Variants in LRRC7 observed in about 807,000 individuals in gnomAD.
LRRC7 encodes the protein leucine rich repeat containing 7, also known as leucine-rich repeat-containing protein 7.
LRRC7 carries 23 observed loss-of-function variants against 175.7 expected under a neutral mutation model. The ratio of observed to expected loss-of-function variants is 0.13; its 90% CI spans 0.09 to 0.19. The LOEUF is 0.19. Ranked by LOEUF, LRRC7 falls within the 10% of genes least tolerant of loss-of-function variation. The probability of loss-of-function intolerance (pLI) is 1.00; values close to 1 mark genes in which losing one functional copy is unlikely to be tolerated. For missense variants in LRRC7, 1,354 were observed against 1,904.7 expected, an observed-to-expected ratio of 0.71 and a Z score of 5.38; for synonymous variants, 685 against 680.9, an observed-to-expected ratio of 1.01 and a Z score of -0.09.
At chr1:69,973,811 C>T (rs1266433320) in intron 8 of LRRC7, among the ~76,000 whole-genome samples, 1 of 152,136 alleles carries the variant, frequency 6.6e-6, no homozygotes, top group East Asian at 1.9e-4. Context: ...GTCTCAAACT[C>T]CTGACCTCAG....
At chr1:69,640,513 A>G (rs891241029) in intron 1 of LRRC7, among the ~76,000 whole-genome samples, 3 of 151,480 alleles carry the variant, frequency 2.0e-5, no homozygotes, top group African/African-American at 7.2e-5. Context: ...TTTAGAGAAC[A>G]CAAGGGTGTT....
intron 2 of LRRC7, among the ~76,000 whole-genome samples, chr1:69,721,905 T>A (rs929906355): frequency 1.3e-5 from 2 of 151,892 alleles, no homozygotes; most frequent in Admixed American, 1.3e-4. Context: ...TTTAAGTGTA[T>A]ACTTCAGTGG....
chr1:69,894,235 T>A (rs962072766), intron 7 of LRRC7, among the ~76,000 whole-genome samples: 2 of 152,200 alleles, frequency 1.3e-5, no homozygotes, highest in Non-Finnish European at 2.9e-5. Flanking sequence ...ATTATTATTT[T>A]CCCCATTTTA....
intron 4 of LRRC7, among the ~76,000 whole-genome samples, chr1:69,818,307 A>C (rs1024715889): frequency 6.6e-6 from 1 of 151,732 alleles, no homozygotes; most frequent in African/African-American, 2.4e-5. Context: ...ATTTGTGGAG[A>C]GTTTCATTAT....
At chr1:69,829,732 A>G (rs929162090) in intron 5 of LRRC7, among the ~76,000 whole-genome samples, 6 of 151,818 alleles carry the variant, frequency 4.0e-5, no homozygotes, top group African/African-American at 1.2e-4. Context: ...TAGTAAAATC[A>G]TTTCATTATT....
At chr1:69,877,361 G>A (rs1686133101) in intron 7 of LRRC7, among the ~76,000 whole-genome samples, 3 of 152,120 alleles carry the variant, frequency 2.0e-5, no homozygotes, top group South Asian at 4.2e-4. Flanking sequence ...GCCAAGGCAG[G>A]AGGATCACTT....
chr1:70,007,287 G>A (rs1656076869), intron 11 of LRRC7, among the ~76,000 whole-genome samples: 2 of 152,126 alleles, frequency 1.3e-5, no homozygotes, highest in South Asian at 4.1e-4. Context: ...GGAATTCTGT[G>A]CCAAGAACTG....
intron 3 of LRRC7, among the ~76,000 whole-genome samples, chr1:69,767,184 G>T (rs1158988138): frequency 1.3e-5 from 2 of 152,074 alleles, no homozygotes; most frequent in African/African-American, 2.4e-5. Context: ...GTTCATCCAT[G>T]CCATAGCATG....
chr1:69,845,952 G>C (rs907472700), intron 7 of LRRC7, among the ~76,000 whole-genome samples: 2 of 151,988 alleles, frequency 1.3e-5, no homozygotes, highest in Admixed American at 1.3e-4. Flanking sequence ...TCCTCTTCAG[G>C]ATTATCTTTA....
chr1:69,895,205 C>G (rs1021703156), intron 7 of LRRC7, among the ~76,000 whole-genome samples: 1 of 152,096 alleles, frequency 6.6e-6, no homozygotes, highest in Non-Finnish European at 1.5e-5. Flanking sequence ...GCACTCCAGC[C>G]TGGGCAACAA....
chr1:69,978,179 A>AGG (rs1296123170), intron 8 of LRRC7, among the ~76,000 whole-genome samples: 5 of 152,094 alleles, frequency 3.3e-5, no homozygotes, highest in African/African-American at 1.2e-4. Flanking sequence ...GTGCCTCGGG[A>AGG]GGCCGAGGCA....
chr1:69,886,927 A>T (rs1185836657), intron 7 of LRRC7, among the ~76,000 whole-genome samples: 1 of 152,022 alleles, frequency 6.6e-6, no homozygotes, highest in African/African-American at 2.4e-5. Context: ...CTTTTCTTTA[A>T]GAATGTTGAA....
chr1:69,934,492 G>GGT (rs1647745980), intron 8 of LRRC7, among the ~76,000 whole-genome samples: 1 of 77,136 alleles, frequency 1.3e-5, no homozygotes, highest in African/African-American at 4.5e-5. Context: ...TAGATATTTT[G>GGT]GCGGGGGGGG....
chr1:70,136,721 C>CTTTTTTTT lies in LRRC7; in HGVS notation c.*14851_*14858dup, dbSNP rs1204650835. 1.7e-4 allele frequency among the ~76,000 whole-genome samples: 17 copies of CTTTTTTTT among 98,342 alleles called. 1 individual carries two copies. Among genetic ancestry groups the CTTTTTTTT allele is most frequent in the African/African-American group, 3.0e-4 (7 of 23,392 alleles). 64.5% of individuals were successfully genotyped at this position (98,342 alleles called of 152,430 possible). A position where few individuals can be genotyped will look rare whatever the true frequency, so the allele number is the denominator to read the frequency against. ...TTCTGCTTTATTGCTTTTTTAATGC[C>CTTTTTTTT]TTTTTTTTTTTTTTTTTTTTTTTTC... is the stretch of plus-strand genomic sequence containing the variant. On this transcript the variant is annotated 3_prime_UTR_variant, in exon 27 of 27. Transcript: ENST00000651989.
At chr1:69,681,148 G>C (rs1660436690) in intron 2 of LRRC7, among the ~76,000 whole-genome samples, 1 of 152,112 alleles carries the variant, frequency 6.6e-6, no homozygotes, top group Non-Finnish European at 1.5e-5. Context: ...AGCAATGTTA[G>C]ATGGTCATTC....
In LRRC7 at chr1:70,082,781, A is replaced by ATTTTTTTTTTTTTTT. The variant is rs1172403797; in HGVS notation, c.4452+6500_4452+6514dup. 1.9e-3 allele frequency among the ~76,000 whole-genome samples: 99 copies of ATTTTTTTTTTTTTTT among 52,288 alleles called. 34 individuals carry two copies. Among genetic ancestry groups the ATTTTTTTTTTTTTTT allele is most frequent in the East Asian group, 3.6e-3 (5 of 1,408 alleles). The allele number at this position is 52,288 out of a possible 152,430, so 34.3% of individuals were successfully genotyped here. A position where few individuals can be genotyped will look rare whatever the true frequency, so the allele number is the denominator to read the frequency against. On this transcript the variant is annotated intron_variant, in intron 24 of 26. Transcript: ENST00000651989. Reference sequence around the variant, plus strand: ...TATTAGTCAATCTTGATACCAGTACATTTTTTTTTTTTTTTTTTTTTTTTT... The same window carrying ATTTTTTTTTTTTTTT: ...TATTAGTCAATCTTGATACCAGTACATTTTTTTTTTTTTTTTTTTTTTTTTTTTTTTTTTTTTTTT...
intron 7 of LRRC7, among the ~76,000 whole-genome samples, chr1:69,881,199 G>T (rs752426606): frequency 1.1e-4 from 17 of 152,174 alleles, no homozygotes; most frequent in Non-Finnish European, 4.4e-5. Context: ...TTTGTGCAAA[G>T]TTAGATTTGT....
intron 26 of LRRC7, among the ~76,000 whole-genome samples, chr1:70,109,608 C>G (rs1299854558): frequency 6.6e-6 from 1 of 152,136 alleles, no homozygotes; most frequent in Non-Finnish European, 1.5e-5. Context: ...CCTAACTAGT[C>G]CTTTGATCTT....
At chr1:69,664,069 CCTGA>C (rs1657920247) in intron 1 of LRRC7, among the ~76,000 whole-genome samples, 5 of 152,114 alleles carry the variant, frequency 3.3e-5, no homozygotes. Context: ...TCTTTCTGTG[CCTGA>C]CTTATTTCAC....
Sources: allele counts gnomAD v4.1 joint callset (sites outside exome capture counted in the v4.1 genomes callset), GRCh38; gene constraint gnomAD v4.1.1; transcripts MANE v1.5; gene names NCBI Gene and HGNC (gene_info 2026-07-23, HGNC 2026-07-21).